The following NELL2 variants were observed in gnomAD, a reference collection of about 807,000 sequenced individuals.
NELL2 encodes the protein neural EGFL like 2, also known as protein kinase C-binding protein NELL2.
NELL2 carries 41 observed loss-of-function variants against 109.6 expected under a neutral mutation model. The ratio of observed to expected loss-of-function variants is 0.37; its 90% CI spans 0.29 to 0.49. The LOEUF is 0.49. NELL2 is among the 20% of genes least tolerant of loss of function. The probability of loss-of-function intolerance (pLI) is 0.98; values close to 1 mark genes in which losing one functional copy is unlikely to be tolerated. For missense variants in NELL2, 900 were observed against 1,008.3 expected, an observed-to-expected ratio of 0.89 and a Z score of 1.45; for synonymous variants, 355 against 344.7, an observed-to-expected ratio of 1.03 and a Z score of -0.33.
chr12:44,876,432 G>T (rs568933962), upstream of NELL2: 13 of 1,284,548 alleles, frequency 1.0e-5, no homozygotes, highest in Admixed American at 3.1e-4. Flanking sequence ...GGCGCTCAGC[G>T]TCGGTCTCCC....
chr12:44,901,347 A>G (rs1945658366), intron 1 of NELL2, among the ~76,000 whole-genome samples: 1 of 152,238 alleles, frequency 6.6e-6, no homozygotes, highest in South Asian at 2.1e-4. Context: ...AGACTAAACC[A>G]GGAAGAAGTC....
intron 15 of NELL2, among the ~76,000 whole-genome samples, chr12:44,604,996 T>C (rs544357232): frequency 1.4e-4 from 22 of 152,142 alleles, no homozygotes; most frequent in African/African-American, 4.8e-4. Context: ...TTAGAAGACT[T>C]GGTGGATAAG....
intron 12 of NELL2, among the ~76,000 whole-genome samples, chr12:44,669,741 T>C (rs1948073443): frequency 6.6e-6 from 1 of 151,878 alleles, no homozygotes. Flanking sequence ...TAAAATGAAA[T>C]GAAGAAAGCC....
At position 44,746,328 on chromosome 12, in the gene NELL2, C is replaced by A. The variant is rs1484176004; in HGVS notation, c.994+28419G>T. On this transcript the variant is annotated intron_variant, in intron 9 of 19. Coordinates refer to ENST00000429094, the MANE Select transcript of NELL2 (RefSeq NM_001145108.2). ...TGGATTAAAGACTTACATGTTAGAC[C>A]TAAAACCATAAAAACCCTAGAAGAA... Among the ~76,000 whole-genome samples the A allele has an allele frequency of 5.9e-5, 9 of 152,190 alleles. 1 individual carries two copies. The highest frequency in any genetic ancestry group is 5.9e-4 in the Admixed American group (9 of 15,294).
At chr12:44,540,781 C>CAAAAGAAAAAAAAAAAA (rs1942518901) in intron 15 of NELL2, among the ~76,000 whole-genome samples, 1 of 49,750 alleles carries the variant, frequency 2.0e-5, no homozygotes, top group Admixed American at 3.2e-4. Context: ...GTCTGCAAGC[C>CAAAAGAAAAAAAAAAAA]AAAAAAAAAA....
Position 44,617,713 on chromosome 12 carries a change from AG to A in NELL2, c.1445-6744del, listed in dbSNP as rs1389930908. On this transcript the variant is annotated intron_variant, in intron 13 of 19. Transcript: ENST00000429094. ...TCTCAAAAAAAAAAAAAAAAAAAAA[AG>A]AAAAAGCAGTTGTGAAGAATAAATT... Among the ~76,000 whole-genome samples, 18 of 103,122 alleles carry A rather than the reference AG, an allele frequency of 1.7e-4. 2 individuals carry two copies. Among genetic ancestry groups the A allele is most frequent in the Non-Finnish European group, 2.8e-4 (15 of 53,634 alleles). The allele number at this position is 103,122 out of a possible 152,430, so 67.7% of individuals were successfully genotyped here.
At chr12:44,680,973 T>C (rs1948476742) in intron 12 of NELL2, among the ~76,000 whole-genome samples, 1 of 152,156 alleles carries the variant, frequency 6.6e-6, no homozygotes, top group African/African-American at 2.4e-5. Context: ...ATGTCAGCAC[T>C]ATTTAATCAA....
chr12:44,588,621 T>C lies in NELL2; in HGVS notation c.1663+18548A>G, dbSNP rs183770887. The stretch of plus-strand genomic sequence containing the variant: ...TTAGGCAAAATCAAAGGAAAGAGAG[T>C]GTGGAACAGGTCTAAACCTGAGTGA... On this transcript the variant is annotated intron_variant, in intron 15 of 19. Transcript: ENST00000429094. Among the ~76,000 whole-genome samples, 225 of 152,182 alleles carry C rather than the reference T, an allele frequency of 1.5e-3. 2 individuals are homozygous for C. Among genetic ancestry groups the C allele is most frequent in the South Asian group, 1.2e-3 (6 of 4,828 alleles).
At chr12:44,761,230 G>A (rs1228631003) in intron 9 of NELL2, among the ~76,000 whole-genome samples, 1 of 152,046 alleles carries the variant, frequency 6.6e-6, no homozygotes, top group Admixed American at 6.6e-5. Flanking sequence ...GTGTGGTGCT[G>A]CATGCCGGTA....
chr12:44,513,276 C>T lies in NELL2; in HGVS notation c.2401-4292G>A, dbSNP rs183923259. ...CCTCTAATAAGTGCTAGGTTATTGG[C>T]TAATAATTTACAACCTGCTAGAACA... is the stretch of plus-strand genomic sequence containing the variant. On this transcript the variant is annotated intron_variant, in intron 19 of 19. Coordinates refer to ENST00000429094, the MANE Select transcript of NELL2 (RefSeq NM_001145108.2). 8.6e-4 allele frequency among the ~76,000 whole-genome samples: 130 copies of T among 151,990 alleles called. 1 individual carries two copies. The highest frequency in any genetic ancestry group is 2.6e-3 in the African/African-American group (109 of 41,538).
chr12:44,861,413 C>A (rs1944839736), intron 2 of NELL2, among the ~76,000 whole-genome samples: 1 of 152,142 alleles, frequency 6.6e-6, no homozygotes, highest in East Asian at 1.9e-4. Flanking sequence ...GCTGGCCAAT[C>A]AGACTTGGTC....
intron 19 of NELL2, among the ~76,000 whole-genome samples, chr12:44,518,467 G>A (rs937336464): frequency 1.3e-5 from 2 of 151,958 alleles, no homozygotes; most frequent in African/African-American, 2.4e-5. Context: ...GGATGGTCTC[G>A]ATCTCCTGAC....
chr12:44,808,290 C>T (rs542621892), intron 3 of NELL2, among the ~76,000 whole-genome samples: 9 of 152,094 alleles, frequency 5.9e-5, no homozygotes, highest in Admixed American at 2.0e-4. Flanking sequence ...CTGTCCATCA[C>T]ATCACCTATA....
upstream of NELL2, chr12:44,913,950 T>TAAG (rs1945806551): frequency 2.7e-6 from 1 of 364,448 alleles, no homozygotes; most frequent in Non-Finnish European, 5.1e-6. Flanking sequence ...CCAAAAACCT[T>TAAG]GGAGTCATTT....
intron 13 of NELL2, among the ~76,000 whole-genome samples, chr12:44,638,591 C>A (rs778334427): frequency 6.6e-6 from 1 of 152,102 alleles, no homozygotes; most frequent in Admixed American, 6.6e-5. Flanking sequence ...GAAGAGAAAT[C>A]AGTATAGCTA....
At chr12:44,679,497 C>T (rs1330892172) in intron 12 of NELL2, among the ~76,000 whole-genome samples, 2 of 152,136 alleles carry the variant, frequency 1.3e-5, no homozygotes, top group Non-Finnish European at 2.9e-5. Flanking sequence ...TTGTACAGTG[C>T]ATGTTCATAT....
chr12:44,745,509 T>C (rs1940287766), intron 9 of NELL2, among the ~76,000 whole-genome samples: 1 of 152,178 alleles, frequency 6.6e-6, no homozygotes, highest in African/African-American at 2.4e-5. Context: ...GGAAGTCAAA[T>C]TGTCCCTGTT....
intron 3 of NELL2, among the ~76,000 whole-genome samples, chr12:44,807,356 C>CACAT (rs397836050): frequency 2.7e-5 from 4 of 149,822 alleles, no homozygotes; most frequent in East Asian, 3.9e-4. Context: ...CACACACACA[C>CACAT]GCATGCATGC....
At chr12:44,753,156 G>A (rs565562176) in intron 9 of NELL2, among the ~76,000 whole-genome samples, 3 of 152,108 alleles carry the variant, frequency 2.0e-5, no homozygotes, top group South Asian at 2.1e-4. Context: ...TTCAAATGTC[G>A]CCTCCTCAAG....
Sources: allele counts gnomAD v4.1 joint callset (sites outside exome capture counted in the v4.1 genomes callset), GRCh38; gene constraint gnomAD v4.1.1; transcripts MANE v1.5; gene names NCBI Gene and HGNC (gene_info 2026-07-23, HGNC 2026-07-21).